The following ADD3 variants were observed in gnomAD, a reference collection of about 807,000 sequenced individuals.
ADD3 encodes adducin 3.
ADD3 carries 25 observed loss-of-function variants against 80.2 expected under a neutral mutation model. The observed-to-expected ratio is 0.31, with a 90% CI of 0.23 to 0.44. The LOEUF (loss-of-function observed/expected upper bound fraction) is 0.44, where lower values mean the gene tolerates loss of function less well. Ranked by LOEUF, ADD3 falls within the 20% of genes least tolerant of loss-of-function variation. The pLI, the probability that ADD3 is intolerant of heterozygous loss-of-function variation, is 1.00. For missense variants in ADD3, 829 were observed against 847.5 expected, an observed-to-expected ratio of 0.98 and a Z score of 0.27; for synonymous variants, 284 against 289.6, an observed-to-expected ratio of 0.98 and a Z score of 0.20.
At chr10:110,048,393 TG>T (rs1468586897) in intron 1 of ADD3, among the ~76,000 whole-genome samples, 13 of 152,196 alleles carry the variant, frequency 8.5e-5, no homozygotes, top group African/African-American at 2.9e-4. Flanking sequence ...GAAGCTCCTT[TG>T]GAACTGGGTA....
intron 1 of ADD3, among the ~76,000 whole-genome samples, chr10:110,011,739 T>G (rs1852358677): frequency 6.6e-6 from 1 of 152,254 alleles, no homozygotes; most frequent in Non-Finnish European, 1.5e-5. Flanking sequence ...TGGACAGTCC[T>G]AGACTGTCAT....
intron 1 of ADD3, among the ~76,000 whole-genome samples, chr10:110,054,929 CTT>C (rs1462601984): frequency 6.6e-6 from 1 of 151,378 alleles, no homozygotes; most frequent in Non-Finnish European, 1.5e-5. Flanking sequence ...GCCTGGCAAA[CTT>C]TTTGTATCTT....
intron 1 of ADD3, among the ~76,000 whole-genome samples, chr10:110,082,426 G>A (rs1846176098): frequency 6.6e-6 from 1 of 151,994 alleles, no homozygotes; most frequent in Admixed American, 6.6e-5. Context: ...ATACCTTTTG[G>A]GTATGAAAAA....
chr10:110,094,391 G>A (rs965914375), intron 1 of ADD3, among the ~76,000 whole-genome samples: 11 of 152,126 alleles, frequency 7.2e-5, no homozygotes, highest in African/African-American at 2.7e-4. Context: ...CCTCTCATCT[G>A]TAAAAAGTGA....
upstream of ADD3, among the ~76,000 whole-genome samples, chr10:110,007,612 A>G (rs889834311): frequency 2.0e-5 from 3 of 152,132 alleles, no homozygotes; most frequent in Non-Finnish European, 2.9e-5. Context: ...CTGCACAGTC[A>G]GAAGAGGACG....
intron 1 of ADD3, among the ~76,000 whole-genome samples, chr10:110,015,109 G>C (rs1163040506): frequency 6.6e-6 from 1 of 152,160 alleles, no homozygotes; most frequent in Non-Finnish European, 1.5e-5. Flanking sequence ...AATTTTTAAG[G>C]TGAATTCTAT....
chr10:110,122,879 A>C (rs1390624009), intron 9 of ADD3, among the ~76,000 whole-genome samples: 1 of 151,398 alleles, frequency 6.6e-6, no homozygotes, highest in Non-Finnish European at 1.5e-5. Flanking sequence ...CAGTCCTCCC[A>C]CCTCAGCCTC....
intron 2 of ADD3, among the ~76,000 whole-genome samples, chr10:110,104,766 G>GA (rs1849229469): frequency 6.6e-6 from 1 of 152,124 alleles, no homozygotes; most frequent in African/African-American, 2.4e-5. Context: ...AATCCTCAAA[G>GA]CAATTCAGTT....
At chr10:110,070,469 A>C (rs1321512724) in intron 1 of ADD3, among the ~76,000 whole-genome samples, 1 of 152,230 alleles carries the variant, frequency 6.6e-6, no homozygotes, top group Admixed American at 6.5e-5. Context: ...TCTAAAATCA[A>C]AGTAGGTTAT....
At chr10:110,104,080 T>C (rs1849147793) in intron 2 of ADD3, among the ~76,000 whole-genome samples, 5 of 152,132 alleles carry the variant, frequency 3.3e-5, no homozygotes, top group Admixed American at 3.3e-4. Context: ...ACAGGTCCTG[T>C]CAATCTATTA....
At chr10:110,007,648 C>A (rs901161529), upstream of ADD3, among the ~76,000 whole-genome samples, 2 of 152,154 alleles carry the variant, frequency 1.3e-5, no homozygotes, top group African/African-American at 4.8e-5. Context: ...GCAGCCGCCC[C>A]GAACCAGGCC....
At chr10:110,054,141 T>C (rs1857851461) in intron 1 of ADD3, among the ~76,000 whole-genome samples, 1 of 152,222 alleles carries the variant, frequency 6.6e-6, no homozygotes, top group South Asian at 2.1e-4. Flanking sequence ...GTTTCGTTTA[T>C]ATATGCTGAG....
At chr10:110,127,206 G>A (rs1197389961) in intron 12 of ADD3, among the ~76,000 whole-genome samples, 1 of 152,058 alleles carries the variant, frequency 6.6e-6, no homozygotes, top group Non-Finnish European at 1.5e-5. Flanking sequence ...TTGCTGCTAA[G>A]CCAGGTAGTA....
At position 110,124,289 on chromosome 10, in the gene ADD3, T is replaced by G; in HGVS notation, c.1401+15T>G. On this transcript the variant is annotated intron_variant, in intron 10 of 14. Coordinates refer to ENST00000356080, the MANE Select transcript of ADD3 (RefSeq NM_016824.5). ...CCAAAATCACGGTATGCCAGTATTT[T>G]ATGTAGTTTGCCTTTACTAAATATT... 1 of 1,609,640 alleles carries G rather than the reference T, an allele frequency of 6.2e-7. No individual in the cohort carries two copies.
chr10:110,121,846 G>A (rs537680260), intron 8 of ADD3: 5 of 284,798 alleles, frequency 1.8e-5, no homozygotes, highest in African/African-American at 8.7e-5. Context: ...GCAGAATTCC[G>A]TGGCTTAAAA....
upstream of ADD3, among the ~76,000 whole-genome samples, chr10:110,007,193 A>G (rs954259307): frequency 4.6e-5 from 7 of 152,314 alleles, no homozygotes; most frequent in African/African-American, 1.2e-4. Context: ...TTCGCCTCAA[A>G]GAAGTGAGCT....
At position 110,130,458 on chromosome 10, in the gene ADD3, A is replaced by G. The variant is rs879740342; in HGVS notation, c.1704A>G (p.Thr568=). The G allele has an allele frequency of 1.2e-5, 20 of 1,613,950 alleles. No individual in the cohort carries two copies. Among genetic ancestry groups the G allele is most frequent in the Non-Finnish European group, 1.5e-5 (18 of 1,179,952 alleles). Residue 568 remains threonine, a synonymous_variant, in exon 13 of 15, where the codon ACA becomes ACG. Coordinates refer to ENST00000356080, the MANE Select transcript of ADD3 (RefSeq NM_016824.5). ...TEGELEEYKR[T]IERKQQGLED... Reference sequence around the variant, plus strand: ...GAGAACTTGAAGAGTATAAGAGGACAATCGAACGTAAACAACAAGGCCTAG... The same window carrying G: ...GAGAACTTGAAGAGTATAAGAGGACGATCGAACGTAAACAACAAGGCCTAG...
intron 8 of ADD3, among the ~76,000 whole-genome samples, chr10:110,120,302 C>T (rs1294322161): frequency 3.5e-5 from 5 of 141,448 alleles, no homozygotes; most frequent in Non-Finnish European, 6.1e-5. Context: ...TCAATTCCCA[C>T]CTATGAGTGA....
intron 2 of ADD3, among the ~76,000 whole-genome samples, chr10:110,108,130 G>A (rs1216707347): frequency 6.6e-6 from 1 of 152,120 alleles, no homozygotes; most frequent in African/African-American, 2.4e-5. Context: ...ACACCACCCT[G>A]ATTAGAAATC....
Sources: gnomAD v4.1 joint callset for allele counts (sites outside exome capture counted in the v4.1 genomes callset) on GRCh38, gnomAD v4.1.1 for gene constraint, MANE v1.5 for transcripts, NCBI Gene and HGNC (gene_info 2026-07-23, HGNC 2026-07-21) for gene names.